DRC8: variants seen among roughly 807,000 people sequenced by gnomAD.
DRC8 encodes dynein regulatory complex subunit 8.
chr1:245,044,524 G>A, the DRC8 span, among the ~76,000 whole-genome samples: 2 of 151,270 alleles, frequency 1.3e-5, no homozygotes, highest in Non-Finnish European at 2.9e-5. Context: ...TTTTTGAGAC[G>A]GAGTCTCACT....
At chr1:244,996,933 C>G in the DRC8 span, among the ~76,000 whole-genome samples, 1 of 152,132 alleles carries the variant, frequency 6.6e-6, no homozygotes, top group African/African-American at 2.4e-5. Flanking sequence ...GCTGAAGTCC[C>G]TTACATAAAA....
At chr1:245,020,054 C>T in the DRC8 span, among the ~76,000 whole-genome samples, 8 of 146,144 alleles carry the variant, frequency 5.5e-5, no homozygotes, top group African/African-American at 1.9e-4. Flanking sequence ...TTCCTGGAGA[C>T]GCCCCCCGCC....
the DRC8 span, among the ~76,000 whole-genome samples, chr1:245,062,158 A>C: frequency 6.6e-6 from 1 of 152,086 alleles, no homozygotes; most frequent in Non-Finnish European, 1.5e-5. Flanking sequence ...ACCTTTGTAA[A>C]ATTCTCTGGT....
chr1:245,051,826 G>A, the DRC8 span, among the ~76,000 whole-genome samples: 1 of 152,202 alleles, frequency 6.6e-6, no homozygotes, highest in Admixed American at 6.5e-5. Context: ...AGAGCTGAGT[G>A]TGGAAACGAA....
the DRC8 span, chr1:245,087,033 A>G: frequency 3.0e-6 from 2 of 672,286 alleles, no homozygotes; most frequent in South Asian, 1.9e-5. Context: ...TGACATCTGC[A>G]GGCTAAAAGA....
At chr1:245,116,480 T>C in the DRC8 span, among the ~76,000 whole-genome samples, 2 of 151,852 alleles carry the variant, frequency 1.3e-5, no homozygotes, top group African/African-American at 4.8e-5. Flanking sequence ...AAAGGACAAA[T>C]AGGAAGTTTC....
chr1:245,074,670 C>T, the DRC8 span, among the ~76,000 whole-genome samples: 5 of 152,184 alleles, frequency 3.3e-5, no homozygotes, highest in African/African-American at 1.2e-4. Context: ...CCAGAAGACT[C>T]GTGCAGCCTC....
the DRC8 span, among the ~76,000 whole-genome samples, chr1:245,056,360 A>G: frequency 6.6e-6 from 1 of 152,092 alleles, no homozygotes; most frequent in Non-Finnish European, 1.5e-5. Flanking sequence ...CAGTGGTGCC[A>G]TCTCAGCTCA....
chr1:245,042,596 T>C, the DRC8 span, among the ~76,000 whole-genome samples: 3 of 152,262 alleles, frequency 2.0e-5, no homozygotes, highest in African/African-American at 7.2e-5. Context: ...ATCATAGGGT[T>C]CAAATATTTG....
the DRC8 span, among the ~76,000 whole-genome samples, chr1:245,053,998 G>A: frequency 1.2e-4 from 17 of 143,698 alleles, no homozygotes; most frequent in African/African-American, 4.3e-4. Flanking sequence ...AGTGAACAAC[G>A]CCCGCATCAG....
At chr1:245,081,980 T>C in the DRC8 span, 1 of 904,898 alleles carries the variant, frequency 1.1e-6, no homozygotes, top group Non-Finnish European at 1.8e-6. Flanking sequence ...CCAAGTGTGC[T>C]CACCATCCAG....
At chr1:245,089,575 GA>G in the DRC8 span, among the ~76,000 whole-genome samples, 23 of 151,984 alleles carry the variant, frequency 1.5e-4, no homozygotes, top group Non-Finnish European at 2.9e-5. This position sits in a 1 kb window ranked among gnomAD's most constrained non-coding sequence, Gnocchi z 4.8. Context: ...GTTAAAGACG[GA>G]AAAAACGTCC....
At chr1:245,102,129 A>C in the DRC8 span, among the ~76,000 whole-genome samples, 3 of 152,186 alleles carry the variant, frequency 2.0e-5, no homozygotes. Context: ...CACTGGTTAA[A>C]TGGAGACCAC....
chr1:244,971,430 C>T, the DRC8 span, among the ~76,000 whole-genome samples: 1 of 152,190 alleles, frequency 6.6e-6, no homozygotes, highest in Non-Finnish European at 1.5e-5. Context: ...AAAGTGATTA[C>T]GTTTATTTGC....
the DRC8 span, among the ~76,000 whole-genome samples, chr1:245,120,732 A>G: frequency 2.0e-5 from 3 of 152,236 alleles, no homozygotes; most frequent in Non-Finnish European, 2.9e-5. Flanking sequence ...AGATACAGAG[A>G]CACCTGTCAC....
the DRC8 span, among the ~76,000 whole-genome samples, chr1:245,113,539 A>G: frequency 5.7e-3 from 872 of 152,322 alleles, 8 homozygotes; most frequent in African/African-American, 0.02. Context: ...GCTCCTGGGA[A>G]AAAGTGCCGT....
the DRC8 span, chr1:245,002,220 T>G: frequency 6.2e-7 from 1 of 1,608,472 alleles, no homozygotes; most frequent in South Asian, 1.1e-5. Context: ...GACGGTGTTA[T>G]GGGGAACACA....
At chr1:245,119,638 A>T in the DRC8 span, among the ~76,000 whole-genome samples, 2 of 136,066 alleles carry the variant, frequency 1.5e-5, no homozygotes, top group Non-Finnish European at 3.2e-5. Flanking sequence ...GACCCTGTCT[A>T]AAAAAAAAAA....
the DRC8 span, among the ~76,000 whole-genome samples, chr1:245,121,414 G>A: frequency 3.9e-5 from 6 of 152,332 alleles, no homozygotes; most frequent in East Asian, 1.2e-3. Flanking sequence ...TCTTGCATCT[G>A]TTTCTTTGGG....
Sources: allele counts gnomAD v4.1 joint callset (sites outside exome capture counted in the v4.1 genomes callset), GRCh38; gene constraint gnomAD v4.1.1; non-coding constraint Gnocchi (gnomAD v3.1); transcripts MANE v1.5; gene names NCBI Gene and HGNC (gene_info 2026-07-23, HGNC 2026-07-21).